ZC3H12B: variants seen among roughly 807,000 people sequenced by gnomAD.
ZC3H12B encodes the protein probable ribonuclease ZC3H12B.
ZC3H12B carries 7 observed loss-of-function variants against 43.9 expected under a neutral mutation model. That is an observed-to-expected ratio of 0.16 (90% CI 0.09 to 0.30). The LOEUF (loss-of-function observed/expected upper bound fraction) is 0.30, where lower values mean the gene tolerates loss of function less well. Ranked by LOEUF, ZC3H12B falls within the 10% of genes least tolerant of loss-of-function variation. The pLI, the probability that ZC3H12B is intolerant of heterozygous loss-of-function variation, is 1.00. For synonymous variants in ZC3H12B, 222 were observed against 241.7 expected (o/e 0.92, Z 0.76); for missense variants, 475 against 670.2 (o/e 0.71, Z 3.22).
At chrX:65,372,525 G>GA (rs1042597634) in intron 2 of ZC3H12B, among the ~76,000 whole-genome samples, 1 of 100,924 alleles carries the variant, frequency 9.9e-6, no homozygotes, top group African/African-American at 3.6e-5. Context: ...AGGAAGGAAG[G>GA]AAGGAAGGAA....
chrX:65,163,613 G>A, the ZC3H12B span, among the ~76,000 whole-genome samples: 1 of 111,937 alleles, frequency 8.9e-6, no homozygotes, highest in Non-Finnish European at 1.9e-5. Context: ...CGTTTTTTAA[G>A]CCCGTCAGAA....
At chrX:65,485,370 C>G (rs1162039128), upstream of ZC3H12B, among the ~76,000 whole-genome samples, 1 of 112,363 alleles carries the variant, frequency 8.9e-6, no homozygotes, top group African/African-American at 3.2e-5. Flanking sequence ...TCTCCCACCT[C>G]AGCCTCCAGA....
At chrX:65,120,220 C>T in the ZC3H12B span, among the ~76,000 whole-genome samples, 1 of 111,926 alleles carries the variant, frequency 8.9e-6, no homozygotes, top group Non-Finnish European at 1.9e-5. Flanking sequence ...TGCATTGAAT[C>T]TATAAATTAC....
chrX:65,416,709 G>T (rs1483988240), intron 3 of ZC3H12B, among the ~76,000 whole-genome samples: 1 of 108,165 alleles, frequency 9.2e-6, no homozygotes, highest in Non-Finnish European at 1.9e-5. Flanking sequence ...AGAATGGTGT[G>T]AACCGGAAGG....
chrX:65,222,781 C>T, the ZC3H12B span, among the ~76,000 whole-genome samples: 1 of 110,176 alleles, frequency 9.1e-6, no homozygotes, highest in Non-Finnish European at 1.9e-5. Flanking sequence ...TGGCTAGAAT[C>T]AATATTGTGA....
intron 3 of ZC3H12B, among the ~76,000 whole-genome samples, chrX:65,457,365 G>T (rs1240287015): frequency 1.1e-4 from 5 of 44,130 alleles, no homozygotes; most frequent in Non-Finnish European, 1.0e-4. Context: ...GAGGTGAGGG[G>T]CGCCTCTGCC....
At chrX:65,468,670 T>C (rs1451782134) in intron 3 of ZC3H12B, among the ~76,000 whole-genome samples, 12 of 101,983 alleles carry the variant, frequency 1.2e-4, no homozygotes, top group Non-Finnish European at 2.0e-4. Context: ...TTTTTTTTTT[T>C]TGTATTTTTA....
the ZC3H12B span, among the ~76,000 whole-genome samples, chrX:65,234,059 C>A: frequency 0.13 from 13,918 of 110,651 alleles, 2,117 homozygotes; most frequent in African/African-American, 0.43. Context: ...ACAAAAACAA[C>A]ACAAACAAAC....
chrX:65,175,359 A>T, the ZC3H12B span, among the ~76,000 whole-genome samples: 5 of 105,348 alleles, frequency 4.7e-5, no homozygotes, highest in East Asian at 2.9e-4. Context: ...TGCATGTAAC[A>T]TTTTTTTTTT....
intron 2 of ZC3H12B, among the ~76,000 whole-genome samples, chrX:65,498,116 G>C (rs1053224910): frequency 2.0e-4 from 22 of 111,048 alleles, no homozygotes; most frequent in African/African-American, 7.2e-4. Flanking sequence ...TGTTGCCCAA[G>C]CTGGTCTTGA....
At chrX:65,050,023 T>C in the ZC3H12B span, among the ~76,000 whole-genome samples, 1 of 111,663 alleles carries the variant, frequency 9.0e-6, no homozygotes, top group East Asian at 2.8e-4. Context: ...TTGAAATTTT[T>C]ATTAAGATTT....
the ZC3H12B span, among the ~76,000 whole-genome samples, chrX:65,180,280 A>G: frequency 1.8e-5 from 2 of 112,158 alleles, no homozygotes; most frequent in Non-Finnish European, 3.8e-5. Context: ...TAGATGTAGA[A>G]AAAGCGTTTG....
the ZC3H12B span, among the ~76,000 whole-genome samples, chrX:65,133,421 G>A: frequency 4.6e-5 from 5 of 109,540 alleles, no homozygotes; most frequent in Non-Finnish European, 9.5e-5. Flanking sequence ...GTGGTAAAGC[G>A]TCTAAGGGTT....
the ZC3H12B span, among the ~76,000 whole-genome samples, chrX:65,076,304 T>C: frequency 9.1e-6 from 1 of 110,402 alleles, no homozygotes. Flanking sequence ...GCCTAGCTGA[T>C]TTTTGTTTCA....
the ZC3H12B span, among the ~76,000 whole-genome samples, chrX:65,257,532 C>G: frequency 9.0e-6 from 1 of 110,579 alleles, no homozygotes; most frequent in Non-Finnish European, 1.9e-5. Context: ...AGCACACCAA[C>G]ATGGCACATG....
chrX:65,041,463 C>T, the ZC3H12B span, among the ~76,000 whole-genome samples: 3 of 111,919 alleles, frequency 2.7e-5, no homozygotes, highest in African/African-American at 6.5e-5. Flanking sequence ...TTTAAAAAAT[C>T]TTCTAAGTGC....
the ZC3H12B span, among the ~76,000 whole-genome samples, chrX:65,160,105 G>T: frequency 1.8e-5 from 2 of 111,831 alleles, no homozygotes; most frequent in Non-Finnish European, 3.8e-5. Context: ...GCATCCCAGG[G>T]ATGAAACCCA....
At chrX:65,442,169 A>G (rs1358810155) in intron 3 of ZC3H12B, among the ~76,000 whole-genome samples, 1 of 109,034 alleles carries the variant, frequency 9.2e-6, no homozygotes, top group African/African-American at 3.4e-5. Context: ...AGGTAGCATT[A>G]TACAGATTAC....
intron 2 of ZC3H12B, among the ~76,000 whole-genome samples, chrX:65,385,646 T>C (rs1425835410): frequency 6.3e-5 from 7 of 111,665 alleles, no homozygotes; most frequent in Non-Finnish European, 7.5e-5. Context: ...TTTTTTATCC[T>C]GCATGATTGC....
Sources: gnomAD v4.1 joint callset for allele counts (sites outside exome capture counted in the v4.1 genomes callset) on GRCh38, gnomAD v4.1.1 for gene constraint, MANE v1.5 for transcripts, NCBI Gene and HGNC (gene_info 2026-07-23, HGNC 2026-07-21) for gene names.